The following ABI2 variants were observed in gnomAD, a reference collection of about 807,000 sequenced individuals.
ABI2 encodes the protein abl interactor 2.
Under a neutral mutation model 59.2 loss-of-function variants are expected in ABI2, and 25 were observed. That is an observed-to-expected ratio of 0.42 (90% confidence interval 0.31 to 0.59). The LOEUF (loss-of-function observed/expected upper bound fraction) is 0.59. Among genes scored for constraint, ABI2 ranks in the 20% least tolerant of loss-of-function variants. The pLI, the probability that ABI2 is intolerant of heterozygous loss-of-function variation, is 0.14. For missense variants in ABI2, 545 were observed against 681.8 expected, an observed-to-expected ratio of 0.80 and a Z score of 2.23; for synonymous variants, 213 against 235.5, an observed-to-expected ratio of 0.90 and a Z score of 0.87.
chr2:203,413,324 C>T (rs1284256324), intron 10 of ABI2, among the ~76,000 whole-genome samples: 1 of 152,188 alleles, frequency 6.6e-6, no homozygotes, highest in Admixed American at 6.5e-5. Flanking sequence ...TTTCGCCAGT[C>T]ACCAGTGAAA....
intron 6 of ABI2, among the ~76,000 whole-genome samples, chr2:203,395,448 T>TATATACACACAC (rs750379504): frequency 0.05 from 5,816 of 115,244 alleles, 224 homozygotes; most frequent in Non-Finnish European, 0.072. Context: ...TATATATATA[T>TATATACACACAC]ACACACACAC....
chr2:203,378,061 A>AAC (rs1340394936), intron 2 of ABI2, among the ~76,000 whole-genome samples: 1 of 152,098 alleles, frequency 6.6e-6, no homozygotes, highest in African/African-American at 2.4e-5. Context: ...TAATTAGCCT[A>AAC]ACATGCGTAG....
chr2:203,363,312 A>G (rs1453341583), intron 1 of ABI2, among the ~76,000 whole-genome samples: 1 of 152,164 alleles, frequency 6.6e-6, no homozygotes, highest in African/African-American at 2.4e-5. Flanking sequence ...CAATCCAACT[A>G]TACTCTCAGT....
chr2:203,330,214 C>T (rs1036419911), intron 1 of ABI2, among the ~76,000 whole-genome samples: 1 of 147,660 alleles, frequency 6.8e-6, no homozygotes, highest in African/African-American at 2.5e-5. Flanking sequence ...ATGACCCGAA[C>T]CACTGTATAA....
chr2:203,418,895 A>G (rs2098039932), intron 11 of ABI2, among the ~76,000 whole-genome samples: 1 of 152,186 alleles, frequency 6.6e-6, no homozygotes, highest in African/African-American at 2.4e-5. Flanking sequence ...ATCATAATCA[A>G]TTTGCTAAAA....
At chr2:203,399,601 C>T (rs968821473) in intron 8 of ABI2, among the ~76,000 whole-genome samples, 10 of 152,272 alleles carry the variant, frequency 6.6e-5, no homozygotes, top group Middle Eastern at 3.4e-3. Flanking sequence ...CTGCAATCTC[C>T]GCCTCGCGGG....
chr2:203,344,032 C>T (rs2081627318), intron 1 of ABI2, among the ~76,000 whole-genome samples: 1 of 152,118 alleles, frequency 6.6e-6, no homozygotes, highest in Non-Finnish European at 1.5e-5. Flanking sequence ...AGTTGGGAGG[C>T]TGAGGTGGGA....
intron 1 of ABI2, among the ~76,000 whole-genome samples, chr2:203,337,109 C>G (rs1242790128): frequency 6.6e-6 from 1 of 152,174 alleles, no homozygotes; most frequent in Non-Finnish European, 1.5e-5. Context: ...GTCACTAGTT[C>G]TATTTAATCA....
chr2:203,394,242 G>T (rs2096884560), intron 5 of ABI2: 1 of 157,968 alleles, frequency 6.3e-6, no homozygotes, highest in African/African-American at 2.4e-5. Context: ...TTGATCATCA[G>T]TGTGGGGGTT....
intron 1 of ABI2, among the ~76,000 whole-genome samples, chr2:203,332,453 C>G (rs1040928542): frequency 6.6e-6 from 1 of 151,976 alleles, no homozygotes; most frequent in East Asian, 1.9e-4. Flanking sequence ...GGTGAAACCG[C>G]GTATCTACTA....
chr2:203,346,032 GCA>G (rs147596774), intron 1 of ABI2, among the ~76,000 whole-genome samples: 3 of 150,272 alleles, frequency 2.0e-5, no homozygotes, highest in Admixed American at 2.0e-4. Context: ...ATACACACGC[GCA>G]CACACACACA....
At chr2:203,396,435 AAACTGTTGTTTT>A (rs2096988301) in intron 7 of ABI2, among the ~76,000 whole-genome samples, 1 of 152,212 alleles carries the variant, frequency 6.6e-6, no homozygotes, top group Non-Finnish European at 1.5e-5. Flanking sequence ...TCAAAATGGA[AAACTGTTGTTTT>A]TTAGTGTATT....
intron 3 of ABI2, among the ~76,000 whole-genome samples, chr2:203,380,789 G>A (rs1400709193): frequency 6.6e-6 from 1 of 152,124 alleles, no homozygotes; most frequent in Non-Finnish European, 1.5e-5. Context: ...TATATTAATA[G>A]ACATGTACTT....
chr2:203,379,359 T>C (rs2095944148), intron 2 of ABI2, among the ~76,000 whole-genome samples: 1 of 152,142 alleles, frequency 6.6e-6, no homozygotes, highest in Admixed American at 6.5e-5. Flanking sequence ...GCAGTTCTCT[T>C]ATTTCAGCCT....
intron 10 of ABI2, among the ~76,000 whole-genome samples, chr2:203,411,889 TA>T (rs1474087413): frequency 6.6e-6 from 1 of 152,190 alleles, no homozygotes; most frequent in African/African-American, 2.4e-5. Flanking sequence ...TTGAGTCTTC[TA>T]GGGAAGCATT....
At chr2:203,388,537 G>A (rs899060882) in intron 4 of ABI2, among the ~76,000 whole-genome samples, 1 of 152,030 alleles carries the variant, frequency 6.6e-6, no homozygotes, top group African/African-American at 2.4e-5. Context: ...ACAAAAAGTA[G>A]CTGGGCGTGG....
intron 5 of ABI2, among the ~76,000 whole-genome samples, chr2:203,392,690 G>C (rs1056196027): frequency 6.6e-6 from 1 of 152,054 alleles, no homozygotes; most frequent in East Asian, 1.9e-4. Flanking sequence ...TTTATATCAT[G>C]TGTAGTGCCT....
chr2:203,357,854 C>T (rs557026967), intron 1 of ABI2, among the ~76,000 whole-genome samples: 169 of 151,998 alleles, frequency 1.1e-3, no homozygotes, highest in African/African-American at 3.4e-3. Context: ...CTGCAGCCTC[C>T]GCCTCCTGGC....
At chr2:203,386,258 T>TC (rs2153234330) in intron 4 of ABI2, among the ~76,000 whole-genome samples, 1 of 152,090 alleles carries the variant, frequency 6.6e-6, no homozygotes, top group South Asian at 2.1e-4. Context: ...TACACACACT[T>TC]CCCCTCTTCT....
Sources: gnomAD v4.1 joint callset for allele counts (sites outside exome capture counted in the v4.1 genomes callset) on GRCh38, gnomAD v4.1.1 for gene constraint, MANE v1.5 for transcripts, NCBI Gene and HGNC (gene_info 2026-07-23, HGNC 2026-07-21) for gene names.